The following XRN1 variants were observed in gnomAD, a reference collection of about 807,000 sequenced individuals.
The protein encoded by XRN1 is 5'-3' exoribonuclease 1, also known as strand-exchange protein 1 homolog.
In XRN1, 67 loss-of-function variants were observed where a neutral mutation model predicts 222.3. The ratio of observed to expected loss-of-function variants is 0.30; its 90% confidence interval spans 0.25 to 0.37. The LOEUF is 0.37. Ranked by LOEUF, XRN1 falls within the 10% of genes least tolerant of loss-of-function variation. XRN1 has a pLI of 1.00. For synonymous variants in XRN1, 643 were observed against 652.4 expected (o/e 0.99, Z 0.22); for missense variants, 1,707 against 2,000.2 (o/e 0.85, Z 2.80).
intron 15 of XRN1, among the ~76,000 whole-genome samples, chr3:142,411,753 T>C (rs2068589107): frequency 6.6e-6 from 1 of 152,172 alleles, no homozygotes; most frequent in Non-Finnish European, 1.5e-5. Flanking sequence ...AGATCTTTGT[T>C]ACTATTTCTA....
At chr3:142,355,595 T>C in intron 31 of XRN1, 99 bp from the exon 32 acceptor site, 2 of 778,522 alleles carry the variant, frequency 2.6e-6, no homozygotes, top group Non-Finnish European at 1.9e-6. Context: ...TATTCAGTGG[T>C]AGACAGGATA....
intron 32 of XRN1, among the ~76,000 whole-genome samples, chr3:142,348,121 C>T (rs867218875): frequency 3.3e-5 from 5 of 152,096 alleles, no homozygotes; most frequent in Middle Eastern, 3.4e-3. Context: ...TGGACTAGAG[C>T]ATGGCAGGGA....
intron 23 of XRN1, 68 bp from the exon 24 acceptor site, chr3:142,376,662 C>T: frequency 8.7e-7 from 1 of 1,144,246 alleles, no homozygotes; most frequent in Admixed American, 2.3e-5. Context: ...ATTTCTTTAC[C>T]TTTAAAATCT....
In XRN1 at chr3:142,370,542, T is replaced by C. The variant is rs1486574186; in HGVS notation, c.3147A>G (p.Leu1049=). The change falls in exon 27 of 41, where the codon TTA becomes TTG. Residue 1049 remains leucine, a synonymous_variant. Transcript: ENST00000392981. ...VSTLSRSSCD[L]QILDAAIVEK... Reference sequence around the variant, plus strand: ...CAACAATAGCTGCATCCAGAATTTGTAAATCACAAGAAGAACGAGATAAAG... The same window carrying C: ...CAACAATAGCTGCATCCAGAATTTGCAAATCACAAGAAGAACGAGATAAAG... 6.2e-7 allele frequency: 1 copy of C among 1,607,596 alleles called. No individual in the cohort carries two copies. The highest frequency in any genetic ancestry group is 1.3e-5 in the African/African-American group (1 of 74,612).
chr3:142,389,987 A>G (rs1253963890), intron 20 of XRN1, among the ~76,000 whole-genome samples: 1 of 152,234 alleles, frequency 6.6e-6, no homozygotes, highest in African/African-American at 2.4e-5. Flanking sequence ...GATCAGGTGC[A>G]CTGTCAATGA....
intron 15 of XRN1, among the ~76,000 whole-genome samples, chr3:142,405,776 A>G (rs1226690386): frequency 2.0e-5 from 3 of 152,006 alleles, no homozygotes; most frequent in Non-Finnish European, 2.9e-5. Flanking sequence ...TATCCAGCTG[A>G]AAAAAAAGCA....
At chr3:142,373,017 G>A (rs555488983) in intron 25 of XRN1, among the ~76,000 whole-genome samples, 2 of 152,164 alleles carry the variant, frequency 1.3e-5, no homozygotes, top group South Asian at 2.1e-4. Flanking sequence ...GGATATCAAA[G>A]ATCATCAGAC....
rs1198187387 is a variant in XRN1, at chr3:142,417,207, C to T, written c.1369G>A (p.Ala457Thr). Residue 457 changes from alanine (A) to threonine (T), a missense_variant, in exon 13 of 41, where the codon GCA (alanine) becomes ACA (threonine). Physicochemically the swap from Ala to Thr is moderately conservative, Grantham distance 58. This residue lies in a region of XRN1 where 1,234 missense variants were observed against 1,518.2 expected (regional missense o/e 0.81). Coordinates refer to ENST00000392981, the MANE Select transcript of XRN1 (RefSeq NM_001282857.2). ...VSDDFLADQA[A>T]CYVQAIQWIL... is the part of the protein sequence containing the mutation. ...CACTGTATTGCCTGAACATAACATG[C>T]AGCTTGATCAGCCAGAAAGTCACTG... The T allele has an allele frequency of 1.9e-6, 3 of 1,613,538 alleles. No individual in the cohort carries two copies. In the South Asian group the frequency reaches 3.3e-5, roughly 18 times the overall value.
In XRN1 at chr3:142,312,601, C is replaced by A; in HGVS notation, c.4779G>T (p.Leu1593=). 1.3e-6 allele frequency: 2 copies of A among 1,558,756 alleles called. No individual in the cohort carries two copies. Among genetic ancestry groups the A allele is most frequent in the Non-Finnish European group, 1.7e-6 (2 of 1,151,294 alleles). The change falls in exon 40 of 41, where the codon CTG becomes CTT. Residue 1593 remains leucine, a synonymous_variant. Transcript: ENST00000392981. ...PGGVHNQFIP[L]QVTKKRVANK... ...TTAAAAATATTATTTTTCTTACCTG[C>A]AGAGGTATAAACTGATTGTGCACAC... is the stretch of plus-strand genomic sequence containing the variant.
In XRN1 at chr3:142,311,727, C is replaced by T. The variant is rs763945089; in HGVS notation, c.4869G>A (p.Gln1623=). 3.7e-6 allele frequency: 6 copies of T among 1,614,024 alleles called. No homozygotes were observed. The highest frequency in any genetic ancestry group is 5.1e-6 in the Non-Finnish European group (6 of 1,179,996). ...CTTTGACAATGTTGGAAGAATCTGG[C>T]TGGCTAGTCTGAACTGGAGTGGCTT... ...SSQATPVQTS[Q]PDSSNIVKVS... The change falls in exon 41 of 41, where the codon CAG becomes CAA. Residue 1623 remains glutamine (Q), a synonymous_variant. Transcript: ENST00000392981.
At chr3:142,349,025 T>C (rs2066232659) in intron 32 of XRN1, among the ~76,000 whole-genome samples, 1 of 152,140 alleles carries the variant, frequency 6.6e-6, no homozygotes, top group South Asian at 2.1e-4. Context: ...TCATCCTGGC[T>C]CACTGCAACC....
intron 33 of XRN1, among the ~76,000 whole-genome samples, chr3:142,344,000 A>G (rs1399415859): frequency 4.0e-5 from 6 of 151,868 alleles, no homozygotes; most frequent in African/African-American, 1.5e-4. Flanking sequence ...GACAAATTTC[A>G]CATGTTTTCA....
At chr3:142,391,746 A>AT (rs1559843268) in intron 20 of XRN1, among the ~76,000 whole-genome samples, 13 of 81,280 alleles carry the variant, frequency 1.6e-4, no homozygotes, top group African/African-American at 4.2e-4. Flanking sequence ...TAAAAAAAAA[A>AT]AAAATATATA....
rs187454476 is a variant in XRN1 at position 142,399,457 on chromosome 3, G to A, written c.2207+987C>T. ...AAAAATTAATTCAAAATGGATTACTGATTTCATATAAAATGAGGTAAACCT... is the reference window on the plus strand; with the variant it reads ...AAAAATTAATTCAAAATGGATTACTAATTTCATATAAAATGAGGTAAACCT... On this transcript the variant is annotated intron_variant, in intron 19 of 40. Transcript: ENST00000392981. 1.1e-4 allele frequency among the ~76,000 whole-genome samples: 16 copies of A among 152,150 alleles called. 1 individual carries two copies. The East Asian group carries it at 2.5e-3, about 24-fold the overall frequency.
rs2108233727 is a variant in XRN1, at chr3:142,447,997, GCC to G, written c.-55_-54del. 6.3e-7 allele frequency: 1 copy of G among 1,585,794 alleles called. No homozygotes were observed. Among genetic ancestry groups the G allele is most frequent in the African/African-American group, 1.4e-5 (1 of 74,030 alleles). ...GGGCCAAACCGAAACCAAACGCCCC[GCC>G]GGGGCTCCGCCGCAGCCTCCGGTCG... On this transcript the variant is annotated 5_prime_UTR_variant, in exon 1 of 41. Transcript: ENST00000392981. This position sits in a 1 kb window ranked among gnomAD's most constrained non-coding sequence, Gnocchi z 4.2.
intron 18 of XRN1, among the ~76,000 whole-genome samples, chr3:142,401,273 C>CA (rs2068118370): frequency 2.6e-5 from 4 of 152,184 alleles, no homozygotes; most frequent in African/African-American, 9.6e-5. Context: ...TACTGAATCT[C>CA]AGTTTTCTTT....
At chr3:142,368,876 G>A (rs2066898799) in intron 27 of XRN1, among the ~76,000 whole-genome samples, 1 of 152,102 alleles carries the variant, frequency 6.6e-6, no homozygotes, top group Admixed American at 6.5e-5. Flanking sequence ...AGCATTATTA[G>A]GCATTAATAA....
At chr3:142,364,916 A>T in intron 29 of XRN1, 131 bp downstream of exon 29, 1 of 974,188 alleles carries the variant, frequency 1.0e-6, no homozygotes, top group Non-Finnish European at 1.4e-6. Flanking sequence ...AAAAAATTTA[A>T]CTAAAACATA....
chr3:142,425,065 C>A (rs944293880), intron 5 of XRN1, among the ~76,000 whole-genome samples, 157 bp downstream of exon 5: 1 of 152,084 alleles, frequency 6.6e-6, no homozygotes, highest in Non-Finnish European at 1.5e-5. Context: ...AGCTCATTTT[C>A]CAATGATTTT....
Sources: allele counts gnomAD v4.1 joint callset (sites outside exome capture counted in the v4.1 genomes callset), GRCh38; gene constraint gnomAD v4.1.1; regional missense constraint gnomAD v4.1.1; non-coding constraint Gnocchi (gnomAD v3.1); transcripts MANE v1.5; gene names NCBI Gene and HGNC (gene_info 2026-07-23, HGNC 2026-07-21).